The following GRID1 variants were observed in gnomAD, a reference collection of about 807,000 sequenced individuals.
The protein encoded by GRID1 is glutamate receptor ionotropic, delta-1.
GRID1 carries 28 observed loss-of-function variants against 98.0 expected under a neutral mutation model. The observed-to-expected ratio is 0.29, with a 90% confidence interval of 0.21 to 0.39. The LOEUF is 0.39. Ranked by LOEUF, GRID1 falls within the 10% of genes least tolerant of loss-of-function variation. The probability of loss-of-function intolerance (pLI) is 1.00; values close to 1 mark genes in which losing one functional copy is unlikely to be tolerated. For synonymous variants in GRID1, 553 were observed against 538.5 expected (o/e 1.03, Z -0.37); for missense variants, 1,111 against 1,340.5 (o/e 0.83, Z 2.67).
intron 10 of GRID1, 57 bp from the exon 11 acceptor site, chr10:85,724,733 G>T: frequency 6.8e-7 from 1 of 1,461,962 alleles, no homozygotes; most frequent in Non-Finnish European, 9.3e-7. Context: ...GCTGGGTTCT[G>T]CCCTGGGTCA....
chr10:85,990,557 C>T (rs977926609), intron 4 of GRID1, among the ~76,000 whole-genome samples: 1 of 152,164 alleles, frequency 6.6e-6, no homozygotes, highest in Non-Finnish European at 1.5e-5. Flanking sequence ...TTAAGAAAAA[C>T]CACAAGGAAG....
At chr10:85,701,095 C>T (rs1841445754) in intron 12 of GRID1, among the ~76,000 whole-genome samples, 1 of 152,108 alleles carries the variant, frequency 6.6e-6, no homozygotes, top group African/African-American at 2.4e-5. Flanking sequence ...CCAGGGAAGG[C>T]TGCTACCTAC....
chr10:85,876,801 G>A (rs558215218), intron 5 of GRID1, among the ~76,000 whole-genome samples: 52 of 152,338 alleles, frequency 3.4e-4, no homozygotes, highest in African/African-American at 1.2e-3. Context: ...GAAGGAGGGC[G>A]AGGCATTGCC....
chr10:85,965,350 G>A (rs1842323311), intron 4 of GRID1, among the ~76,000 whole-genome samples: 1 of 152,074 alleles, frequency 6.6e-6, no homozygotes, highest in Admixed American at 6.6e-5. Context: ...TGTTTATTGT[G>A]GCACTGTTCA....
At chr10:86,082,254 G>A (rs1056790262) in intron 4 of GRID1, among the ~76,000 whole-genome samples, 4 of 152,302 alleles carry the variant, frequency 2.6e-5, no homozygotes, top group Admixed American at 6.5e-5. Flanking sequence ...GAGGGAACAC[G>A]TGATATAAAT....
chr10:85,940,103 C>T (rs377562253), intron 4 of GRID1, among the ~76,000 whole-genome samples: 51 of 148,552 alleles, frequency 3.4e-4, no homozygotes, highest in African/African-American at 1.2e-3. Context: ...GAGAGAGAGA[C>T]AGCTGTGGGC....
chr10:85,976,256 A>G (rs1475381511), intron 4 of GRID1, among the ~76,000 whole-genome samples: 8 of 152,224 alleles, frequency 5.3e-5, no homozygotes, highest in Non-Finnish European at 7.3e-5. Flanking sequence ...GTAGCAATTA[A>G]TCTATCTGCA....
At chr10:86,216,498 G>A (rs1435257638) in intron 2 of GRID1, among the ~76,000 whole-genome samples, 1 of 152,252 alleles carries the variant, frequency 6.6e-6, no homozygotes, top group African/African-American at 2.4e-5. Context: ...CGCACAATGA[G>A]AAAAGATCTT....
chr10:85,839,175 G>C (rs989866074), intron 8 of GRID1, among the ~76,000 whole-genome samples: 2 of 152,106 alleles, frequency 1.3e-5, no homozygotes, highest in Admixed American at 6.5e-5. Flanking sequence ...AAGAGACTCA[G>C]ACTCCCACAC....
chr10:85,837,339 AC>A (rs1185125847), intron 8 of GRID1, among the ~76,000 whole-genome samples: 1 of 152,138 alleles, frequency 6.6e-6, no homozygotes, highest in African/African-American at 2.4e-5. Flanking sequence ...TCCTCCTACT[AC>A]CAGCTGCCTT....
chr10:85,790,923 A>G (rs780824463), intron 8 of GRID1, among the ~76,000 whole-genome samples: 14 of 152,162 alleles, frequency 9.2e-5, no homozygotes, highest in Non-Finnish European at 1.2e-4. Context: ...CAGAGTAGAG[A>G]AACTTGCTGG....
intron 4 of GRID1, among the ~76,000 whole-genome samples, chr10:85,981,212 C>T (rs1370503792): frequency 6.6e-6 from 1 of 152,204 alleles, no homozygotes; most frequent in Non-Finnish European, 1.5e-5. Context: ...AATGAATATG[C>T]CCCTCCTGCC....
intron 8 of GRID1, among the ~76,000 whole-genome samples, chr10:85,829,321 T>C (rs1842847113): frequency 6.6e-6 from 1 of 151,784 alleles, no homozygotes; most frequent in African/African-American, 2.4e-5. Context: ...AAAAGTCATA[T>C]ATAACAAACC....
chr10:85,607,607 A>T (rs1842685491), intron 15 of GRID1, among the ~76,000 whole-genome samples: 2 of 152,100 alleles, frequency 1.3e-5, no homozygotes, highest in Admixed American at 6.5e-5. Flanking sequence ...GATCAGTTCA[A>T]TAGCAGATGT....
At chr10:85,872,978 T>C (rs1250533315) in intron 5 of GRID1, among the ~76,000 whole-genome samples, 1 of 152,206 alleles carries the variant, frequency 6.6e-6, no homozygotes, top group Non-Finnish European at 1.5e-5. Flanking sequence ...TTGGGGTCAA[T>C]TAAAAAGGTC....
intron 13 of GRID1, among the ~76,000 whole-genome samples, chr10:85,635,613 C>T (rs535812700): frequency 6.6e-6 from 1 of 152,306 alleles, no homozygotes; most frequent in South Asian, 2.1e-4. Flanking sequence ...CCTCAGCCAG[C>T]CCTGAGGACA....
At chr10:85,613,721 C>G (rs1013867267) in intron 14 of GRID1, 74 bp from the exon 15 acceptor site, 1 of 1,537,498 alleles carries the variant, frequency 6.5e-7, no homozygotes, top group Non-Finnish European at 8.8e-7. Flanking sequence ...GGCCCCTGCC[C>G]CACCATGCTG....
At chr10:86,185,393 C>T (rs780412468) in intron 3 of GRID1, among the ~76,000 whole-genome samples, 1 of 152,108 alleles carries the variant, frequency 6.6e-6, no homozygotes, top group Non-Finnish European at 1.5e-5. Context: ...AAATTTTGCA[C>T]ATGGATGATC....
At chr10:85,835,811 G>T (rs1842907433) in intron 8 of GRID1, among the ~76,000 whole-genome samples, 1 of 152,082 alleles carries the variant, frequency 6.6e-6, no homozygotes, top group South Asian at 2.1e-4. Context: ...GAATTTTAAA[G>T]AACTGATATC....
Sources: gnomAD v4.1 joint callset for allele counts (sites outside exome capture counted in the v4.1 genomes callset) on GRCh38, gnomAD v4.1.1 for gene constraint, MANE v1.5 for transcripts, NCBI Gene and HGNC (gene_info 2026-07-23, HGNC 2026-07-21) for gene names.